The following RALYL variants were observed in gnomAD, a reference collection of about 807,000 sequenced individuals.
The protein encoded by RALYL is RNA-binding Raly-like protein.
RALYL carries 29 observed loss-of-function variants against 35.1 expected under a neutral mutation model. The observed-to-expected ratio is 0.83, with a 90% CI of 0.61 to 1.13. The LOEUF (loss-of-function observed/expected upper bound fraction) is 1.13. RALYL is among the 50% of genes most tolerant of loss of function. RALYL has a pLI of 0.00. For synonymous variants in RALYL, 120 were observed against 127.6 expected (o/e 0.94, Z 0.40); for missense variants, 359 against 360.4 (o/e 1.00, Z 0.03).
chr8:84,915,067 T>C (rs1848235360), intron 8 of RALYL, among the ~76,000 whole-genome samples: 1 of 152,088 alleles, frequency 6.6e-6, no homozygotes, highest in Non-Finnish European at 1.5e-5. Context: ...CCCAAGAACC[T>C]ACCTCACTGA....
At chr8:84,919,764 A>G (rs1443031416) in intron 8 of RALYL, among the ~76,000 whole-genome samples, 4 of 152,212 alleles carry the variant, frequency 2.6e-5, no homozygotes, top group East Asian at 3.9e-4. Flanking sequence ...ACTATAGAAA[A>G]GACTATTAAG....
intron 1 of RALYL, among the ~76,000 whole-genome samples, chr8:84,192,585 T>G (rs1198666949): frequency 6.6e-6 from 1 of 151,898 alleles, no homozygotes; most frequent in Non-Finnish European, 1.5e-5. Context: ...TGAGACAAAG[T>G]CTTGCTCTGT....
chr8:84,910,946 A>G (rs963286735), intron 8 of RALYL, among the ~76,000 whole-genome samples: 2 of 152,082 alleles, frequency 1.3e-5, no homozygotes, highest in African/African-American at 4.8e-5. Context: ...TCTGATATTC[A>G]TGGGCATGTT....
intron 2 of RALYL, among the ~76,000 whole-genome samples, chr8:84,538,789 G>T (rs1458762525): frequency 6.6e-6 from 1 of 152,124 alleles, no homozygotes; most frequent in Non-Finnish European, 1.5e-5. Context: ...GCCAGTTGTG[G>T]AGTAAAATGT....
At chr8:84,442,928 A>G (rs2048490563) in intron 1 of RALYL, among the ~76,000 whole-genome samples, 1 of 152,054 alleles carries the variant, frequency 6.6e-6, no homozygotes, top group Admixed American at 6.6e-5. Context: ...CTTCTCTTAT[A>G]TGTGACCTCC....
intron 1 of RALYL, among the ~76,000 whole-genome samples, chr8:84,188,540 C>G (rs748240072): frequency 1.3e-5 from 2 of 152,058 alleles, no homozygotes; most frequent in Non-Finnish European, 2.9e-5. Flanking sequence ...CAGTAATTGG[C>G]AGGCAACATA....
At position 84,887,595 on chromosome 8, in the gene RALYL, C is replaced by A. The variant is rs770997674; in HGVS notation, c.686-9C>A. On this transcript the variant is annotated splice_polypyrimidine_tract_variant and intron_variant, in intron 7 of 8. Transcript: ENST00000521268. ...AAGGTAGTAGTCATTTGCTTTCTCC[C>A]CCCCCCAGAAGCTCAGAAGAAGCAA... 2.2e-4 allele frequency: 349 copies of A among 1,597,354 alleles called. No homozygotes were observed. The highest frequency in any genetic ancestry group is 6.8e-4 in the Middle Eastern group (4 of 5,894).
At chr8:84,741,565 C>G (rs1397689165) in intron 2 of RALYL, among the ~76,000 whole-genome samples, 1 of 151,942 alleles carries the variant, frequency 6.6e-6, no homozygotes, top group African/African-American at 2.4e-5. Flanking sequence ...CTGGTTCTCT[C>G]CAGCCCTTTT....
At position 84,912,740 on chromosome 8, in the gene RALYL, C is replaced by T. The variant is rs117570450; in HGVS notation, c.859-8154C>T. Reference sequence around the variant, plus strand: ...AAGGTTTGTTGGGAACATGTCATTGCCAACCTTCACACAAGGGGAATCAAT... The same window carrying T: ...AAGGTTTGTTGGGAACATGTCATTGTCAACCTTCACACAAGGGGAATCAAT... On this transcript the variant is annotated intron_variant, in intron 8 of 8. Transcript: ENST00000521268. 5.4e-3 allele frequency among the ~76,000 whole-genome samples: 814 copies of T among 152,108 alleles called. 1 individual carries two copies. Among genetic ancestry groups the T allele is most frequent in the Non-Finnish European group, 9.7e-3 (658 of 67,964 alleles).
chr8:84,224,890 C>T (rs1005559571), intron 1 of RALYL, among the ~76,000 whole-genome samples: 1 of 152,102 alleles, frequency 6.6e-6, no homozygotes, highest in African/African-American at 2.4e-5. Flanking sequence ...CTTCTGACCT[C>T]GTGCTCTGCC....
intron 1 of RALYL, among the ~76,000 whole-genome samples, chr8:84,247,473 G>C (rs959851352): frequency 1.3e-5 from 2 of 151,198 alleles, no homozygotes; most frequent in Non-Finnish European, 2.9e-5. Flanking sequence ...CCAAATATTA[G>C]GTTTTCTTGA....
At chr8:84,296,936 G>A (rs1406485380) in intron 1 of RALYL, among the ~76,000 whole-genome samples, 1 of 151,574 alleles carries the variant, frequency 6.6e-6, no homozygotes, top group Non-Finnish European at 1.5e-5. Context: ...AGAGAGAGCT[G>A]AATAAGCACC....
chr8:84,666,819 T>A (rs1832159450), intron 2 of RALYL, among the ~76,000 whole-genome samples: 1 of 152,110 alleles, frequency 6.6e-6, no homozygotes, highest in Non-Finnish European at 1.5e-5. Flanking sequence ...GGCCAGTTGA[T>A]GGTGCTTGGA....
At chr8:84,436,578 T>C (rs2047750797) in intron 1 of RALYL, among the ~76,000 whole-genome samples, 1 of 127,194 alleles carries the variant, frequency 7.9e-6, no homozygotes, top group African/African-American at 3.0e-5. Context: ...TTTTGAAGTT[T>C]TAAGCTACTT....
At chr8:84,190,554 A>G (rs968328852) in intron 1 of RALYL, among the ~76,000 whole-genome samples, 6 of 152,340 alleles carry the variant, frequency 3.9e-5, no homozygotes, top group East Asian at 1.9e-4. Context: ...AGGTCAAAGT[A>G]TAGGGAGGGT....
At chr8:84,401,594 C>T (rs895459351) in intron 1 of RALYL, among the ~76,000 whole-genome samples, 10 of 134,188 alleles carry the variant, frequency 7.5e-5, no homozygotes, top group Non-Finnish European at 1.4e-4. Flanking sequence ...GCCCAGATAG[C>T]GCCACTGCAG....
intron 1 of RALYL, among the ~76,000 whole-genome samples, chr8:84,188,674 A>G (rs1813124895): frequency 6.6e-6 from 1 of 152,164 alleles, no homozygotes; most frequent in Non-Finnish European, 1.5e-5. Context: ...TACACTGTTA[A>G]CAAGTTTACA....
chr8:84,814,975 G>A (rs16913352), intron 4 of RALYL, among the ~76,000 whole-genome samples: 1 of 152,178 alleles, frequency 6.6e-6, no homozygotes, highest in Non-Finnish European at 1.5e-5. Flanking sequence ...TGGGGCCTGG[G>A]AGCCATCATC....
At chr8:84,892,610 TAA>T (rs766053248) in intron 8 of RALYL, among the ~76,000 whole-genome samples, 15 of 122,266 alleles carry the variant, frequency 1.2e-4, no homozygotes, top group African/African-American at 9.0e-5. Flanking sequence ...AACTCTGTCT[TAA>T]AAAAAAAAAA....
Sources: gnomAD v4.1 joint callset for allele counts (sites outside exome capture counted in the v4.1 genomes callset) on GRCh38, gnomAD v4.1.1 for gene constraint, MANE v1.5 for transcripts, NCBI Gene and HGNC (gene_info 2026-07-23, HGNC 2026-07-21) for gene names.